Variants in TBX5 observed in about 807,000 individuals in gnomAD.
The protein encoded by TBX5 is T-box transcription factor TBX5.
A neutral mutation model predicts 51.1 loss-of-function variants in TBX5; 8 were observed. That is an observed-to-expected ratio of 0.16 (90% CI 0.09 to 0.28). The LOEUF is 0.28. Ranked by LOEUF, TBX5 falls within the 10% of genes least tolerant of loss-of-function variation. The pLI is 1.00. For missense variants in TBX5, 589 were observed against 671.7 expected, an observed-to-expected ratio of 0.88 and a Z score of 1.36; for synonymous variants, 302 against 266.4, an observed-to-expected ratio of 1.13 and a Z score of -1.30.
intron 3 of TBX5, 39 bp downstream of exon 3, chr12:114,401,787 T>C (rs1319372952): frequency 6.2e-7 from 1 of 1,600,214 alleles, no homozygotes; most frequent in South Asian, 1.1e-5. Context: ...CTCCCACAAT[T>C]TCTCCTCGTC....
rs1478404273 is a variant in TBX5, at chr12:114,355,250, T to C, written c.*282A>G. The C allele has an allele frequency of 6.2e-6, 3 of 485,922 alleles. No individual in the cohort carries two copies. The highest frequency in any genetic ancestry group is 1.2e-5 in the Non-Finnish European group (3 of 260,640). The allele number at this position is 485,922 out of a possible 1,614,324, so 30.1% of individuals were successfully genotyped here. A position where few individuals can be genotyped will look rare whatever the true frequency, so the allele number is the denominator to read the frequency against. Reference sequence around the variant, plus strand: ...AGAGATCTGGGGAGTAGCGTGAATGTGGCTGGTTGATGGGTGTGGTGGTAG... The same window carrying C: ...AGAGATCTGGGGAGTAGCGTGAATGCGGCTGGTTGATGGGTGTGGTGGTAG... On this transcript the variant is annotated 3_prime_UTR_variant, in exon 9 of 9. Transcript: ENST00000405440.
At chr12:114,396,203 G>T (rs1464935949) in intron 5 of TBX5, among the ~76,000 whole-genome samples, 1 of 151,850 alleles carries the variant, frequency 6.6e-6, no homozygotes, top group Non-Finnish European at 1.5e-5. Context: ...GCCCGACCCC[G>T]GGCCGCGCGT....
At chr12:114,384,745 A>ACACACACACAACAC (rs10629159) in intron 7 of TBX5, among the ~76,000 whole-genome samples, 101 of 115,234 alleles carry the variant, frequency 8.8e-4, no homozygotes, top group African/African-American at 2.4e-3. Flanking sequence ...ACACACACAC[A>ACACACACACAACAC]ACACACACAC....
Position 114,387,974 on chromosome 12 carries a change from C to A in TBX5, c.664-2407G>T, listed in dbSNP as rs910547775. On this transcript the variant is annotated intron_variant, in intron 6 of 8. Coordinates refer to ENST00000405440, the MANE Select transcript of TBX5 (RefSeq NM_181486.4). ...GCCTCGGCATCCCGAGCAGCTGGGA[C>A]CACAGGCATGCACCACCATGCTGGG... 1.3e-5 allele frequency among the ~76,000 whole-genome samples: 2 copies of A among 151,940 alleles called. 1 individual carries two copies. The highest frequency in any genetic ancestry group is 4.2e-4 in the South Asian group (2 of 4,802).
At chr12:114,407,097 C>T, upstream of TBX5, 1 of 985,338 alleles carries the variant, frequency 1.0e-6, no homozygotes, top group South Asian at 4.7e-5. Context: ...AGAAATGCCC[C>T]GAGGTCAGCA....
Position 114,355,728 on chromosome 12 carries a change from A to G in TBX5, c.1361T>C (p.Met454Thr). Residue 454 changes from methionine (M) to threonine (T), a missense_variant, in exon 9 of 9, where the codon ATG (methionine) becomes ACG (threonine). This residue lies in a region of TBX5 where 348 missense variants were observed against 360.4 expected (regional missense o/e 0.97). Coordinates refer to ENST00000405440, the MANE Select transcript of TBX5 (RefSeq NM_181486.4). ...NHGSPQLGEGMFQHQTSVAHQ... is the reference protein window; with the variant it reads ...NHGSPQLGEGTFQHQTSVAHQ... ...GGCCACGGAGGTCTGGTGCTGGAAC[A>G]TTCCCTCTCCCAGCTGTGGGGAGCC... 6.2e-7 allele frequency: 1 copy of G among 1,614,130 alleles called. No individual in the cohort carries two copies. Among genetic ancestry groups the G allele is most frequent in the Non-Finnish European group, 8.5e-7 (1 of 1,180,014 alleles).
At position 114,399,649 on chromosome 12, in the gene TBX5, G is replaced by A. The variant is rs760271246; in HGVS notation, c.243-17C>T. ...AACATCCGCCTAAGAGAGAGGGACG[G>A]AGGGAGAGAGGGGGGCGGGAATTAA... On this transcript the variant is annotated splice_polypyrimidine_tract_variant and intron_variant, in intron 3 of 8. Coordinates refer to ENST00000405440, the MANE Select transcript of TBX5 (RefSeq NM_181486.4). 4 of 1,614,052 alleles carry A rather than the reference G, an allele frequency of 2.5e-6. No homozygotes were observed. The highest frequency in any genetic ancestry group is 2.5e-6 in the Non-Finnish European group (3 of 1,179,960).
chr12:114,378,650 T>C, intron 7 of TBX5, among the ~76,000 whole-genome samples: 1 of 150,524 alleles, frequency 6.6e-6, no homozygotes, highest in Non-Finnish European at 1.5e-5. Flanking sequence ...GTTTTGTTTT[T>C]TTCGAGACGG....
chr12:114,403,702 A>T (rs1204226941), intron 2 of TBX5, 50 bp downstream of exon 2: 1 of 1,598,504 alleles, frequency 6.3e-7, no homozygotes. Context: ...GGAAAGCCAG[A>T]CTCTGACTTT....
At chr12:114,358,355 G>T (rs1271071451) in intron 8 of TBX5, among the ~76,000 whole-genome samples, 1 of 152,136 alleles carries the variant, frequency 6.6e-6, no homozygotes, top group Non-Finnish European at 1.5e-5. Context: ...ACTGAGAGGT[G>T]GTCCTCAGAT....
chr12:114,385,578 G>A lies in TBX5; in HGVS notation c.664-11C>T, dbSNP rs771400478. 1 of 1,611,658 alleles carries A rather than the reference G, an allele frequency of 6.2e-7. No homozygotes were observed. The highest frequency in any genetic ancestry group is 8.5e-7 in the Non-Finnish European group (1 of 1,177,708). On this transcript the variant is annotated splice_polypyrimidine_tract_variant and intron_variant, in intron 6 of 8. Coordinates refer to ENST00000405440, the MANE Select transcript of TBX5 (RefSeq NM_181486.4). ...CTTTAATTGCGTGATCTGAAGGAAAGAGGAAGAGAGAACAAGCTGGTTTTC... is the reference window on the plus strand; with the variant it reads ...CTTTAATTGCGTGATCTGAAGGAAAAAGGAAGAGAGAACAAGCTGGTTTTC...
Position 114,355,598 on chromosome 12 carries a change from T to A in TBX5, c.1491A>T (p.Leu497=). The A allele has an allele frequency of 6.2e-7, 1 of 1,614,168 alleles. No individual in the cohort carries two copies. Among genetic ancestry groups the A allele is most frequent in the African/African-American group, 1.3e-5 (1 of 75,042 alleles). ...GCACAGAGTGGTACTGATGAGGGGA[T>A]AGAGTCCTTGGCACGCCATGAGAGT... ...FLYSHGVPRT[L]SPHQYHSVHG... is the part of the protein sequence containing the mutation. The change falls in exon 9 of 9, where the codon CTA becomes CTT. Residue 497 remains leucine (L), a synonymous_variant. Coordinates refer to ENST00000405440, the MANE Select transcript of TBX5 (RefSeq NM_181486.4).
intron 8 of TBX5, among the ~76,000 whole-genome samples, chr12:114,358,679 C>T (rs193248405): frequency 6.3e-4 from 96 of 152,218 alleles, no homozygotes; most frequent in African/African-American, 2.0e-3. Flanking sequence ...CACACTCTTC[C>T]AGGTGTTCTA....
intron 6 of TBX5, among the ~76,000 whole-genome samples, chr12:114,387,378 C>A (rs1485683198): frequency 1.3e-5 from 2 of 152,072 alleles, no homozygotes; most frequent in South Asian, 2.1e-4. Context: ...GTATGTGCAC[C>A]TATGTGTATT....
intron 8 of TBX5, among the ~76,000 whole-genome samples, chr12:114,357,130 T>C (rs1419151832): frequency 2.6e-5 from 4 of 152,212 alleles, no homozygotes; most frequent in African/African-American, 4.8e-5. Flanking sequence ...TTAGTATTTG[T>C]TAAGTTGGTA....
intron 6 of TBX5, among the ~76,000 whole-genome samples, chr12:114,386,080 G>A (rs1870800233): frequency 6.6e-6 from 1 of 152,140 alleles, no homozygotes; most frequent in African/African-American, 2.4e-5. Context: ...TAGTTTTGCA[G>A]ATAGCGTTTC....
chr12:114,357,314 A>G lies in TBX5; in HGVS notation c.983-1208T>C, dbSNP rs11067069. On this transcript the variant is annotated intron_variant, in intron 8 of 8. Coordinates refer to ENST00000405440, the MANE Select transcript of TBX5 (RefSeq NM_181486.4). ...AAGAAAAAGTGCTGGGCTCTTTCCT[A>G]GAAAACTGCATTGAAACACAATGTT... Among the ~76,000 whole-genome samples, 2,640 of 152,272 alleles carry G rather than the reference A, an allele frequency of 0.017. 325 individuals are homozygous for G. The East Asian group carries it at 0.35, about 20-fold the overall frequency.
intron 7 of TBX5, among the ~76,000 whole-genome samples, chr12:114,381,982 C>T (rs534709316): frequency 6.4e-4 from 97 of 152,326 alleles, no homozygotes; most frequent in Non-Finnish European, 1.1e-3. Context: ...TCCTCCATTC[C>T]ATCTGCAAAG....
At chr12:114,388,322 T>C (rs1870938725) in intron 6 of TBX5, among the ~76,000 whole-genome samples, 2 of 152,120 alleles carry the variant, frequency 1.3e-5, no homozygotes, top group Middle Eastern at 6.8e-3. Context: ...CACGCCTGAG[T>C]AATTTTTGTA....
Sources: gnomAD v4.1 joint callset for allele counts (sites outside exome capture counted in the v4.1 genomes callset) on GRCh38, gnomAD v4.1.1 for gene constraint, gnomAD v4.1.1 regional missense constraint, MANE v1.5 for transcripts, NCBI Gene and HGNC (gene_info 2026-07-23, HGNC 2026-07-21) for gene names.